The following ITGBL1 variants were observed in gnomAD, a reference collection of about 807,000 sequenced individuals.
ITGBL1 encodes the protein integrin beta-like protein 1.
Under a neutral mutation model 68.5 loss-of-function variants are expected in ITGBL1, and 51 were observed. That is an observed-to-expected ratio of 0.74 (90% CI 0.59 to 0.94). ITGBL1 has a LOEUF of 0.94. Ranked by LOEUF, ITGBL1 falls within the 40% of genes least tolerant of loss-of-function variation. The probability of loss-of-function intolerance (pLI) is 0.00; values close to 1 mark genes in which losing one functional copy is unlikely to be tolerated. For synonymous variants in ITGBL1, 209 were observed against 227.3 expected (o/e 0.92, Z 0.72); for missense variants, 649 against 647.4 (o/e 1.00, Z -0.03).
chr13:101,615,484 C>G (rs1229254532), intron 7 of ITGBL1, among the ~76,000 whole-genome samples: 2 of 152,078 alleles, frequency 1.3e-5, no homozygotes, highest in Non-Finnish European at 2.9e-5. Flanking sequence ...CTGATTTGTG[C>G]ACATTACTTT....
At chr13:101,612,508 C>T (rs7320642) in intron 7 of ITGBL1, among the ~76,000 whole-genome samples, 151,569 of 152,202 alleles carry the variant, frequency 1, 75,470 homozygotes, top group Middle Eastern at 1. Flanking sequence ...TGTTGAATTA[C>T]AGTTGCAATG....
At chr13:101,623,268 A>G (rs949468816) in intron 7 of ITGBL1, among the ~76,000 whole-genome samples, 2 of 152,132 alleles carry the variant, frequency 1.3e-5, no homozygotes, top group Admixed American at 1.3e-4. Flanking sequence ...GCTAATGTTA[A>G]CTATATAATC....
At chr13:101,699,333 T>C (rs895882453) in intron 8 of ITGBL1, among the ~76,000 whole-genome samples, 4 of 152,202 alleles carry the variant, frequency 2.6e-5, no homozygotes, top group African/African-American at 9.6e-5. Flanking sequence ...ATCTCTCTCT[T>C]CTGCTCTGCC....
chr13:101,549,476 G>A (rs919997532), intron 2 of ITGBL1, among the ~76,000 whole-genome samples: 85 of 151,826 alleles, frequency 5.6e-4, no homozygotes, highest in Non-Finnish European at 6.0e-4. Context: ...TTTATTAAAA[G>A]TCAAAAGATC....
chr13:101,620,905 A>G (rs2031553737), intron 7 of ITGBL1, among the ~76,000 whole-genome samples: 1 of 152,164 alleles, frequency 6.6e-6, no homozygotes. Context: ...GATACTGAAC[A>G]ACTGCACCTG....
At chr13:101,680,756 T>A (rs978958959) in intron 7 of ITGBL1, among the ~76,000 whole-genome samples, 2 of 152,200 alleles carry the variant, frequency 1.3e-5, no homozygotes, top group Non-Finnish European at 2.9e-5. Context: ...GTATTATTTT[T>A]ACTCCCATTA....
intron 2 of ITGBL1, among the ~76,000 whole-genome samples, chr13:101,455,063 A>G (rs895700106): frequency 2.0e-5 from 3 of 152,242 alleles, no homozygotes; most frequent in African/African-American, 7.2e-5. Context: ...TGAGTGACAC[A>G]GAACTCCATT....
At chr13:101,717,020 C>T (rs1465789383), downstream of ITGBL1, 2 of 151,456 alleles carry the variant, frequency 1.3e-5, no homozygotes, top group African/African-American at 4.8e-5. Flanking sequence ...AAAAAAAAAC[C>T]ACTTTTTTTC....
chr13:101,453,831 G>GGGGC (rs1396636542), intron 1 of ITGBL1, 52 bp from the exon 2 acceptor site: 4 of 1,178,296 alleles, frequency 3.4e-6, no homozygotes, highest in Non-Finnish European at 4.2e-6. Flanking sequence ...TTCGGAGCAG[G>GGGGC]GGGCGGCGTC....
intron 10 of ITGBL1, 27 bp from the exon 11 acceptor site, chr13:101,715,536 A>T: frequency 6.7e-7 from 1 of 1,496,142 alleles, no homozygotes; most frequent in Middle Eastern, 1.7e-4. Flanking sequence ...GATCATAATC[A>T]TGATACCTAT....
intron 2 of ITGBL1, among the ~76,000 whole-genome samples, chr13:101,520,549 A>C (rs2049268313): frequency 6.6e-6 from 1 of 152,116 alleles, no homozygotes; most frequent in South Asian, 2.1e-4. Flanking sequence ...TCCATCTTTC[A>C]CTGTTGCCAT....
At chr13:101,654,891 C>A (rs2032868848) in intron 7 of ITGBL1, among the ~76,000 whole-genome samples, 1 of 151,992 alleles carries the variant, frequency 6.6e-6, no homozygotes, top group Non-Finnish European at 1.5e-5. Flanking sequence ...CAAAGCAGTG[C>A]TGAGGAACAG....
At chr13:101,481,354 A>C (rs2048621773) in intron 2 of ITGBL1, among the ~76,000 whole-genome samples, 1 of 152,044 alleles carries the variant, frequency 6.6e-6, no homozygotes, top group African/African-American at 2.4e-5. Flanking sequence ...TTTAATAGCT[A>C]ATAGTGAAAT....
At chr13:101,608,411 A>G (rs909895973) in intron 7 of ITGBL1, among the ~76,000 whole-genome samples, 2 of 143,216 alleles carry the variant, frequency 1.4e-5, no homozygotes, top group Non-Finnish European at 3.1e-5. Context: ...TTTTTACTCT[A>G]TGTAATTTTG....
At chr13:101,504,543 C>T (rs2048996709) in intron 2 of ITGBL1, among the ~76,000 whole-genome samples, 1 of 152,232 alleles carries the variant, frequency 6.6e-6, no homozygotes, top group Admixed American at 6.5e-5. Flanking sequence ...CATCAAAATG[C>T]TATTATCCAT....
chr13:101,464,290 T>C (rs1162113826), intron 2 of ITGBL1, among the ~76,000 whole-genome samples: 2 of 152,166 alleles, frequency 1.3e-5, no homozygotes, highest in Admixed American at 1.3e-4. Flanking sequence ...TTCTGTTTTT[T>C]TATTTCACTT....
intron 7 of ITGBL1, among the ~76,000 whole-genome samples, chr13:101,661,563 T>C (rs918043659): frequency 6.6e-6 from 1 of 152,208 alleles, no homozygotes; most frequent in African/African-American, 2.4e-5. Context: ...TTACTTCCTA[T>C]AAGTCCAGTA....
intron 7 of ITGBL1, among the ~76,000 whole-genome samples, chr13:101,601,309 A>T (rs1156770853): frequency 1.3e-5 from 2 of 151,994 alleles, no homozygotes; most frequent in African/African-American, 2.4e-5. Flanking sequence ...TATTGAGTCT[A>T]TTTGATTCTT....
chr13:101,688,341 A>C (rs574465096), intron 7 of ITGBL1, among the ~76,000 whole-genome samples: 119 of 152,226 alleles, frequency 7.8e-4, no homozygotes, highest in Non-Finnish European at 4.4e-5. Context: ...CAGGTAACCA[A>C]CCTGGGATGG....
Sources: allele counts gnomAD v4.1 joint callset (sites outside exome capture counted in the v4.1 genomes callset), GRCh38; gene constraint gnomAD v4.1.1; transcripts MANE v1.5; gene names NCBI Gene and HGNC (gene_info 2026-07-23, HGNC 2026-07-21).